Variants in WASHC5 observed in about 807,000 individuals in gnomAD.
WASHC5 encodes WASH complex subunit 5, also known as WASH complex subunit strumpellin.
WASHC5 carries 101 observed loss-of-function variants against 150.4 expected under a neutral mutation model. The observed-to-expected ratio is 0.67, with a 90% CI of 0.57 to 0.79. The LOEUF (loss-of-function observed/expected upper bound fraction) is 0.79, where lower values mean the gene tolerates loss of function less well. WASHC5 is among the 30% of genes least tolerant of loss of function. The pLI is 0.00. For missense variants in WASHC5, 1,195 were observed against 1,396.3 expected (o/e 0.86, Z 2.30); for synonymous variants, 467 against 491.2 (o/e 0.95, Z 0.65).
At chr8:125,050,424 T>C (rs1054573727) in intron 18 of WASHC5, 140 bp downstream of exon 18, 8 of 550,336 alleles carry the variant, frequency 1.5e-5, no homozygotes, top group African/African-American at 1.1e-4. Context: ...AGCACATCAG[T>C]TGTTTGTGTT....
At chr8:125,039,695 C>T (rs1563611779) in intron 24 of WASHC5, 100 bp downstream of exon 24, 2 of 820,948 alleles carry the variant, frequency 2.4e-6, no homozygotes, top group South Asian at 1.4e-5. Flanking sequence ...AGACCTTCCA[C>T]CCAAAAATAA....
chr8:125,043,044 C>A (rs1036087004), intron 23 of WASHC5, among the ~76,000 whole-genome samples: 1 of 152,146 alleles, frequency 6.6e-6, no homozygotes. Flanking sequence ...TATTTTTGAC[C>A]ACAAACCAGT....
chr8:125,040,081 A>AG (rs1483893817), intron 23 of WASHC5, among the ~76,000 whole-genome samples, 183 bp from the exon 24 acceptor site: 1 of 152,196 alleles, frequency 6.6e-6, no homozygotes, highest in Non-Finnish European at 1.5e-5. Flanking sequence ...GAAGCACCAG[A>AG]GGCCCTTCAA....
chr8:125,065,933 C>T (rs898491762), intron 10 of WASHC5, among the ~76,000 whole-genome samples: 3 of 152,054 alleles, frequency 2.0e-5, no homozygotes, highest in Non-Finnish European at 2.9e-5. Context: ...TTCTTCCTTG[C>T]GGGCATTTTT....
At chr8:125,031,773 C>G (rs772292943) in intron 27 of WASHC5, among the ~76,000 whole-genome samples, 8 of 152,152 alleles carry the variant, frequency 5.3e-5, no homozygotes, top group Non-Finnish European at 7.4e-5. Flanking sequence ...GTTTTATAAG[C>G]ATTGTATCAA....
chr8:125,076,080 C>T (rs1817051034), intron 7 of WASHC5, among the ~76,000 whole-genome samples: 1 of 152,114 alleles, frequency 6.6e-6, no homozygotes, highest in African/African-American at 2.4e-5. Flanking sequence ...ATCTCAGTAG[C>T]TAAAGCAAGA....
chr8:125,043,934 A>G, intron 22 of WASHC5, 30 bp from the exon 23 acceptor site: 1 of 1,595,868 alleles, frequency 6.3e-7, no homozygotes, highest in Non-Finnish European at 8.6e-7. Flanking sequence ...TTTTCTCTTT[A>G]GTACATTCGT....
At position 125,049,113 on chromosome 8, in the gene WASHC5, T is replaced by G. The variant is rs779374168; in HGVS notation, c.2272A>C (p.Ile758Leu). The G allele has an allele frequency of 6.2e-7, 1 of 1,614,130 alleles. No individual in the cohort carries two copies. Among genetic ancestry groups the G allele is most frequent in the South Asian group, 1.1e-5 (1 of 91,088 alleles). Residue 758 changes from isoleucine (I) to leucine (L), a missense_variant, in exon 19 of 29, where the codon ATA becomes CTA. Ile to Leu is a conservative substitution (Grantham distance 5). Coordinates refer to ENST00000318410, the MANE Select transcript of WASHC5 (RefSeq NM_014846.4). ...CCATAAATGTTGACATAGTCCTGTATGTATTCAAAAGAACGATGGAATCCA... is the reference window on the plus strand; with the variant it reads ...CCATAAATGTTGACATAGTCCTGTAGGTATTCAAAAGAACGATGGAATCCA... ...MDGFHRSFEY[I>L]QDYVNIYGLK...
intron 26 of WASHC5, among the ~76,000 whole-genome samples, chr8:125,032,971 G>A (rs1369292841): frequency 6.6e-6 from 1 of 151,916 alleles, no homozygotes; most frequent in African/African-American, 2.4e-5. Flanking sequence ...GCCCAGGCTG[G>A]AGTGCAGTGG....
chr8:125,039,659 T>C (rs1243599305), intron 24 of WASHC5, 136 bp downstream of exon 24: 3 of 693,294 alleles, frequency 4.3e-6, no homozygotes, highest in Non-Finnish European at 7.9e-6. Context: ...GATTTGATTA[T>C]CCGTGGCAAG....
At chr8:125,075,218 T>C (rs1322090586) in intron 7 of WASHC5, 107 bp from the exon 8 acceptor site, 1 of 771,764 alleles carries the variant, frequency 1.3e-6, no homozygotes, top group East Asian at 2.5e-5. Flanking sequence ...TTAAATTCCA[T>C]TCCAATGAAA....
At chr8:125,072,025 C>T (rs2130158619) in intron 9 of WASHC5, among the ~76,000 whole-genome samples, 1 of 152,200 alleles carries the variant, frequency 6.6e-6, no homozygotes, top group South Asian at 2.1e-4. Flanking sequence ...ACTTCTACCT[C>T]CCTCTTCCTG....
Position 125,078,816 on chromosome 8 carries a change from A to C in WASHC5, c.633T>G (p.Tyr211Ter), listed in dbSNP as rs150749307. The C allele has an allele frequency of 6.8e-6, 11 of 1,614,026 alleles. No individual in the cohort carries two copies. The highest frequency in any genetic ancestry group is 8.5e-6 in the Non-Finnish European group (10 of 1,179,940). The change falls in exon 6 of 29, where the codon TAT becomes TAG. Residue 211 changes from tyrosine (Y) to a stop codon, truncating the protein, a stop_gained. Transcript: ENST00000318410. LOFTEE classifies it high-confidence loss of function. ...AKRPSNYPESYFQRVPINESF... is the reference protein window; with the variant it reads ...AKRPSNYPES ...ATTCGTTGATAGGCACTCTCTGGAAATAGCTCTCGGGATAGTTGGATGGTC... is the reference window on the plus strand; with the variant it reads ...ATTCGTTGATAGGCACTCTCTGGAACTAGCTCTCGGGATAGTTGGATGGTC...
chr8:125,059,167 T>C (rs1816506141), intron 14 of WASHC5, 55 bp downstream of exon 14: 17 of 1,265,558 alleles, frequency 1.3e-5, no homozygotes, highest in Non-Finnish European at 2.0e-5. Flanking sequence ...GAATGAGGTA[T>C]GAATGAAGGC....
At chr8:125,049,225 A>G in intron 18 of WASHC5, 40 bp from the exon 19 acceptor site, 1 of 1,602,376 alleles carries the variant, frequency 6.2e-7, no homozygotes. Context: ...ACACTGGAGT[A>G]GATTGTCAAC....
intron 17 of WASHC5, among the ~76,000 whole-genome samples, chr8:125,055,065 T>C (rs16900270): frequency 0.028 from 4,256 of 152,134 alleles, 206 homozygotes; most frequent in African/African-American, 0.098. Flanking sequence ...GATAAAGAAA[T>C]TCCCACTACC....
Position 125,040,380 on chromosome 8 carries a change from A to G in WASHC5, c.2851-482T>C, listed in dbSNP as rs528437671. 7.5e-4 allele frequency among the ~76,000 whole-genome samples: 115 copies of G among 152,340 alleles called. 1 individual carries two copies. Among genetic ancestry groups the G allele is most frequent in the Non-Finnish European group, 1.4e-3 (98 of 68,026 alleles). On this transcript the variant is annotated intron_variant, in intron 23 of 28. Transcript: ENST00000318410. The stretch of plus-strand genomic sequence containing the variant: ...AAGTCTGTCCATGCCACTCAGGATT[A>G]TAGGTTCTATAATTATCTGGATTAC...
rs759495858 is a variant in WASHC5 at position 125,038,813 on chromosome 8, A to G, written c.3084+17T>C. The G allele has an allele frequency of 2.5e-6, 4 of 1,613,470 alleles. No individual in the cohort carries two copies. The highest frequency in any genetic ancestry group is 1.7e-4 in the Middle Eastern group (1 of 6,052). ...TCTGTACCCCCATCCCCGCCATTAT[A>G]TATTTTAATTACTCACCTTATTCAG... On this transcript the variant is annotated intron_variant, in intron 25 of 28. Coordinates refer to ENST00000318410, the MANE Select transcript of WASHC5 (RefSeq NM_014846.4).
At position 125,057,103 on chromosome 8, in the gene WASHC5, G is replaced by A. The variant is rs545749705; in HGVS notation, c.1876-286C>T. On this transcript the variant is annotated intron_variant, in intron 15 of 28. Coordinates refer to ENST00000318410, the MANE Select transcript of WASHC5 (RefSeq NM_014846.4). ...AATGTTAAGTAACATCACTATAGAG[G>A]ACTGGCTAGAATGCGACACCAGTAA... Among the ~76,000 whole-genome samples, 38 of 152,248 alleles carry A rather than the reference G, an allele frequency of 2.5e-4. No individual in the cohort carries two copies. The South Asian group carries it at 7.7e-3, about 31-fold the overall frequency.
Sources: allele counts gnomAD v4.1 joint callset (sites outside exome capture counted in the v4.1 genomes callset), GRCh38; gene constraint gnomAD v4.1.1; transcripts MANE v1.5; gene names NCBI Gene and HGNC (gene_info 2026-07-23, HGNC 2026-07-21).